The following PDGFRL variants were observed in gnomAD, a reference collection of about 807,000 sequenced individuals.
PDGFRL encodes the protein platelet-derived growth factor receptor-like protein.
A neutral mutation model predicts 37.2 loss-of-function variants in PDGFRL; 46 were observed. The ratio of observed to expected loss-of-function variants is 1.24; its 90% CI spans 0.98 to 1.58. The LOEUF (loss-of-function observed/expected upper bound fraction) is 1.58, where lower values mean the gene tolerates loss of function less well. PDGFRL is among the 40% of genes most tolerant of loss of function. The pLI is 0.00. For missense variants in PDGFRL, 692 were observed against 467.6 expected (o/e 1.48, Z -4.43); for synonymous variants, 251 against 184.3 (o/e 1.36, Z -2.93).
intron 2 of PDGFRL, among the ~76,000 whole-genome samples, chr8:17,605,457 C>T (rs1254172455): frequency 2.0e-5 from 3 of 152,292 alleles, no homozygotes; most frequent in Middle Eastern, 3.4e-3. Flanking sequence ...GGGAGATCAA[C>T]GTGACCCATT....
chr8:17,628,407 G>C (rs752225111), intron 3 of PDGFRL, 80 bp from the exon 4 acceptor site: 4 of 1,070,142 alleles, frequency 3.7e-6, no homozygotes, highest in Non-Finnish European at 5.7e-6. Context: ...AGTATTCAGA[G>C]TATGCTGCCA....
At chr8:17,578,282 A>G (rs1457001430) in intron 1 of PDGFRL, among the ~76,000 whole-genome samples, 1 of 152,198 alleles carries the variant, frequency 6.6e-6, no homozygotes, top group Admixed American at 6.5e-5. Context: ...TGCTGGAGCC[A>G]GCTCGACCTG....
chr8:17,638,753 AT>A lies in PDGFRL; in HGVS notation c.940-3859del, dbSNP rs1585339312. Among the ~76,000 whole-genome samples the A allele has an allele frequency of 6.8e-5, 4 of 58,742 alleles. 1 individual carries two copies. The highest frequency in any genetic ancestry group is 7.0e-4 in the East Asian group (2 of 2,870). 38.5% of individuals were successfully genotyped at this position (58,742 alleles called of 152,430 possible). ...GCATTAGGTGCATATATATATATAT[AT>A]ATATATATATATATATATATATATA... On this transcript the variant is annotated intron_variant, in intron 5 of 5. Coordinates refer to ENST00000251630, the MANE Select transcript of PDGFRL (RefSeq NM_001372073.1).
intron 2 of PDGFRL, among the ~76,000 whole-genome samples, chr8:17,615,619 T>G (rs529345050): frequency 2.9e-4 from 44 of 152,250 alleles, no homozygotes; most frequent in South Asian, 2.7e-3. Context: ...AATGACAATT[T>G]CTAAAGTGTT....
intron 5 of PDGFRL, among the ~76,000 whole-genome samples, chr8:17,635,332 C>G (rs1257139710): frequency 6.6e-6 from 1 of 150,644 alleles, no homozygotes. Context: ...TTGTGTCATT[C>G]TTATGTCTGC....
intron 2 of PDGFRL, among the ~76,000 whole-genome samples, chr8:17,606,892 T>C (rs1403715417): frequency 1.8e-3 from 20 of 10,866 alleles, no homozygotes; most frequent in African/African-American, 5.0e-3. Flanking sequence ...TTTTGTTTTT[T>C]TGTTTTTTTT....
chr8:17,613,444 C>T (rs958302566), intron 2 of PDGFRL, among the ~76,000 whole-genome samples: 1 of 152,116 alleles, frequency 6.6e-6, no homozygotes, highest in African/African-American at 2.4e-5. Context: ...GGGGACTTCG[C>T]AGTATGGCGG....
At chr8:17,597,430 C>G (rs1046212800) in intron 2 of PDGFRL, among the ~76,000 whole-genome samples, 2 of 152,164 alleles carry the variant, frequency 1.3e-5, no homozygotes, top group African/African-American at 4.8e-5. Flanking sequence ...GTGAAATGTT[C>G]TTGACACTCA....
intron 2 of PDGFRL, among the ~76,000 whole-genome samples, chr8:17,612,227 A>G (rs532259893): frequency 8.5e-5 from 13 of 152,238 alleles, no homozygotes; most frequent in Non-Finnish European, 1.3e-4. Flanking sequence ...ACCTCCAGGT[A>G]TTTAAATACA....
intron 2 of PDGFRL, 97 bp downstream of exon 2, chr8:17,589,862 C>T: frequency 2.8e-6 from 2 of 718,130 alleles, no homozygotes; most frequent in Non-Finnish European, 4.6e-6. Flanking sequence ...CTGACATGTT[C>T]CATTTTACCC....
At chr8:17,639,210 C>G (rs1005018104) in intron 5 of PDGFRL, among the ~76,000 whole-genome samples, 1 of 152,126 alleles carries the variant, frequency 6.6e-6, no homozygotes, top group Non-Finnish European at 1.5e-5. Context: ...ACTTCTTACC[C>G]ATTCTGCCAT....
chr8:17,595,050 T>A (rs544221582), intron 2 of PDGFRL, among the ~76,000 whole-genome samples: 6 of 152,346 alleles, frequency 3.9e-5, no homozygotes, highest in Admixed American at 2.6e-4. Context: ...ATTTTACTGT[T>A]TGTGTTTTGA....
chr8:17,591,718 A>G (rs1233585660), intron 2 of PDGFRL, among the ~76,000 whole-genome samples: 2 of 152,144 alleles, frequency 1.3e-5, no homozygotes, highest in East Asian at 3.9e-4. Context: ...AGAGATTGAT[A>G]CCATCCTAGC....
chr8:17,627,738 A>G (rs1585329902), intron 3 of PDGFRL, among the ~76,000 whole-genome samples: 1 of 151,758 alleles, frequency 6.6e-6, no homozygotes, highest in African/African-American at 2.4e-5. Flanking sequence ...GGCCTCCCAA[A>G]GTGCTAGGAT....
intron 4 of PDGFRL, among the ~76,000 whole-genome samples, chr8:17,629,764 C>T (rs1804824001): frequency 6.6e-6 from 1 of 152,190 alleles, no homozygotes; most frequent in African/African-American, 2.4e-5. Flanking sequence ...AACATGTCAA[C>T]CACAACCACT....
At chr8:17,614,516 C>A (rs1192843853) in intron 2 of PDGFRL, among the ~76,000 whole-genome samples, 10 of 152,198 alleles carry the variant, frequency 6.6e-5, no homozygotes, top group Admixed American at 6.5e-4. Flanking sequence ...CAGTTCCTTG[C>A]ATGTGGTAGA....
At chr8:17,576,470 T>G (rs963311009), upstream of PDGFRL, 1 of 153,882 alleles carries the variant, frequency 6.5e-6, no homozygotes, top group Non-Finnish European at 1.5e-5. Flanking sequence ...GGATGTGGCC[T>G]GTGTGCCGCC....
In PDGFRL at chr8:17,637,411, T is replaced by A. The variant is rs114473145; in HGVS notation, c.939+3198T>A. The stretch of plus-strand genomic sequence containing the variant: ...TCTTGTGTATGTTAAACCACCCCAG[T>A]ATGAAACCCATTTGATCATGGTGGA... On this transcript the variant is annotated intron_variant, in intron 5 of 5. Coordinates refer to ENST00000251630, the MANE Select transcript of PDGFRL (RefSeq NM_001372073.1). Among the ~76,000 whole-genome samples the A allele has an allele frequency of 6.7e-3, 1,014 of 152,174 alleles. 11 individuals are homozygous for A. The highest frequency in any genetic ancestry group is 0.023 in the African/African-American group (941 of 41,562).
At chr8:17,620,945 A>G (rs1585324776) in intron 2 of PDGFRL, 106 bp from the exon 3 acceptor site, 1 of 608,336 alleles carries the variant, frequency 1.6e-6, no homozygotes, top group East Asian at 3.0e-5. Context: ...GACATCGGAG[A>G]AAGATTGGGG....
Sources: allele counts gnomAD v4.1 joint callset (sites outside exome capture counted in the v4.1 genomes callset), GRCh38; gene constraint gnomAD v4.1.1; transcripts MANE v1.5; gene names NCBI Gene and HGNC (gene_info 2026-07-23, HGNC 2026-07-21).